The following DGKB variants were observed in gnomAD, a reference collection of about 807,000 sequenced individuals.
DGKB encodes diacylglycerol kinase beta, also known as 90 kDa diacylglycerol kinase.
DGKB carries 67 observed loss-of-function variants against 114.3 expected under a neutral mutation model. The ratio of observed to expected loss-of-function variants is 0.59; its 90% CI spans 0.48 to 0.72. The LOEUF (loss-of-function observed/expected upper bound fraction) is 0.72. Among genes scored for constraint, DGKB ranks in the 30% least tolerant of loss-of-function variants. DGKB has a pLI of 0.00. For synonymous variants in DGKB, 398 were observed against 323.1 expected (o/e 1.23, Z -2.49); for missense variants, 907 against 975.2 (o/e 0.93, Z 0.93).
intron 1 of DGKB, among the ~76,000 whole-genome samples, chr7:14,853,772 G>A (rs985429240): frequency 6.6e-5 from 10 of 150,550 alleles, no homozygotes; most frequent in African/African-American, 2.2e-4. Flanking sequence ...GGAGGCTGAG[G>A]CAGGAGAATG....
At chr7:14,449,556 A>T (rs116208310) in intron 21 of DGKB, among the ~76,000 whole-genome samples, 1 of 151,890 alleles carries the variant, frequency 6.6e-6, no homozygotes, top group Admixed American at 6.6e-5. Context: ...CTCCTAAAAA[A>T]CCATCTGCTC....
intron 23 of DGKB, among the ~76,000 whole-genome samples, chr7:14,226,466 G>A (rs1790821847): frequency 6.6e-6 from 1 of 151,898 alleles, no homozygotes; most frequent in African/African-American, 2.4e-5. Flanking sequence ...AGAAAAGACA[G>A]TTTCTAGTAA....
chr7:14,933,594 C>T (rs1202744591), intron 1 of DGKB, among the ~76,000 whole-genome samples: 1 of 152,104 alleles, frequency 6.6e-6, no homozygotes, highest in Non-Finnish European at 1.5e-5. Flanking sequence ...ATGTCTTACT[C>T]CTCTCTGCAG....
intron 13 of DGKB, among the ~76,000 whole-genome samples, chr7:14,635,035 AT>A (rs1810469736): frequency 6.6e-6 from 1 of 151,608 alleles, no homozygotes; most frequent in Non-Finnish European, 1.5e-5. Flanking sequence ...AAATTCTGAT[AT>A]GTCTAATTAA....
chr7:14,895,712 G>A (rs1781989969), intron 1 of DGKB, among the ~76,000 whole-genome samples: 1 of 151,556 alleles, frequency 6.6e-6, no homozygotes, highest in Non-Finnish European at 1.5e-5. Context: ...TAGGATACAG[G>A]ACCGTGGTAT....
chr7:14,514,729 C>G (rs1463836159), intron 20 of DGKB, among the ~76,000 whole-genome samples: 1 of 151,902 alleles, frequency 6.6e-6, no homozygotes, highest in Non-Finnish European at 1.5e-5. Flanking sequence ...TTTCAACAAC[C>G]TTATGAGAAA....
rs542145926 is a variant in DGKB at position 14,726,683 on chromosome 7, G to A, written c.323-7998C>T. ...TGTCTTGGGCCATCCATCATAATAT[G>A]TTTGTGAACATGTATTTATATGTGT... is the stretch of plus-strand genomic sequence containing the variant. On this transcript the variant is annotated intron_variant, in intron 5 of 25. Transcript: ENST00000402815. 1.9e-4 allele frequency among the ~76,000 whole-genome samples: 29 copies of A among 152,288 alleles called. No individual in the cohort carries two copies. The South Asian group carries it at 5.8e-3, about 30-fold the overall frequency.
At chr7:14,415,008 A>C (rs1351581829) in intron 21 of DGKB, among the ~76,000 whole-genome samples, 1 of 133,708 alleles carries the variant, frequency 7.5e-6, no homozygotes, top group Non-Finnish European at 1.7e-5. Context: ...CAAAAAATAA[A>C]AAAAAACCCT....
At chr7:14,465,304 C>A (rs773916964) in intron 21 of DGKB, among the ~76,000 whole-genome samples, 12 of 150,242 alleles carry the variant, frequency 8.0e-5, no homozygotes, top group African/African-American at 2.8e-4. Flanking sequence ...ATAAATATTT[C>A]TCAAGCTATA....
At chr7:14,913,733 A>G (rs921864418) in intron 1 of DGKB, among the ~76,000 whole-genome samples, 2 of 152,092 alleles carry the variant, frequency 1.3e-5, no homozygotes, top group African/African-American at 4.8e-5. Context: ...GATAAAAAAT[A>G]ATGGTAAAAT....
chr7:14,915,090 G>A (rs1209900166), intron 1 of DGKB, among the ~76,000 whole-genome samples: 1 of 152,204 alleles, frequency 6.6e-6, no homozygotes, highest in Non-Finnish European at 1.5e-5. Context: ...TAAGAGGCCA[G>A]GCATGGTGGC....
At chr7:14,781,838 G>T (rs991708653) in intron 2 of DGKB, among the ~76,000 whole-genome samples, 1 of 151,966 alleles carries the variant, frequency 6.6e-6, no homozygotes, top group Non-Finnish European at 1.5e-5. Flanking sequence ...TTTGAATAAT[G>T]CAGTTTTTGT....
chr7:14,338,586 C>T lies in DGKB; in HGVS notation c.2051G>A (p.Arg684Gln), dbSNP rs61753126. Residue 684 changes from arginine (R) to glutamine (Q), a missense_variant, in exon 23 of 26, where the codon CGA becomes CAA. Arg to Gln is a conservative substitution (Grantham distance 43). This residue lies in a region of DGKB where 814 missense variants were observed against 856.6 expected (regional missense o/e 0.95). Coordinates refer to ENST00000402815, the MANE Select transcript of DGKB (RefSeq NM_001350709.2). ...GESKKRRSHRRIEKKGSDKRT... is the reference protein window; with the variant it reads ...GESKKRRSHRQIEKKGSDKRT... ...TTTGTCAGACCCTTTTTTCTCTATTCGTCGATGGCTTCGTCTTTTCTTAGA... is the reference window on the plus strand; with the variant it reads ...TTTGTCAGACCCTTTTTTCTCTATTTGTCGATGGCTTCGTCTTTTCTTAGA... 110 of 1,608,150 alleles carry T rather than the reference C, an allele frequency of 6.8e-5. 2 individuals are homozygous for T. The highest frequency in any genetic ancestry group is 6.1e-4 in the South Asian group (55 of 90,286).
intron 9 of DGKB, among the ~76,000 whole-genome samples, chr7:14,693,843 G>A (rs1041762336): frequency 2.5e-4 from 38 of 152,030 alleles, no homozygotes; most frequent in African/African-American, 8.5e-4. Flanking sequence ...AAAAGAGAGA[G>A]AATATATTTT....
intron 23 of DGKB, among the ~76,000 whole-genome samples, chr7:14,291,666 G>T (rs1167115710): frequency 6.6e-6 from 1 of 152,028 alleles, no homozygotes; most frequent in Non-Finnish European, 1.5e-5. Context: ...ACTTTTACAG[G>T]ACCCAGACAA....
intron 23 of DGKB, among the ~76,000 whole-genome samples, chr7:14,255,035 T>C (rs961804342): frequency 3.9e-5 from 6 of 152,020 alleles, no homozygotes; most frequent in Admixed American, 3.3e-4. Flanking sequence ...AGTAACGATA[T>C]AAAAAATTCA....
chr7:14,396,387 A>G (rs1822223789), intron 21 of DGKB, among the ~76,000 whole-genome samples: 1 of 152,114 alleles, frequency 6.6e-6, no homozygotes, highest in Admixed American at 6.6e-5. Context: ...TTAATTACTA[A>G]CAGATTATAT....
chr7:14,662,946 C>T (rs1443969593), intron 13 of DGKB, among the ~76,000 whole-genome samples: 2 of 151,868 alleles, frequency 1.3e-5, no homozygotes, highest in East Asian at 3.9e-4. Context: ...TACAGCATAA[C>T]ACTTATAATA....
At chr7:14,724,580 C>T (rs1466289699) in intron 5 of DGKB, among the ~76,000 whole-genome samples, 1 of 152,186 alleles carries the variant, frequency 6.6e-6, no homozygotes, top group Non-Finnish European at 1.5e-5. Flanking sequence ...GGGAGAAGGA[C>T]TTAAAGTATA....
Sources: allele counts gnomAD v4.1 joint callset (sites outside exome capture counted in the v4.1 genomes callset), GRCh38; gene constraint gnomAD v4.1.1; regional missense constraint gnomAD v4.1.1; transcripts MANE v1.5; gene names NCBI Gene and HGNC (gene_info 2026-07-23, HGNC 2026-07-21).